The following NUCB2 variants were observed in gnomAD, a reference collection of about 807,000 sequenced individuals.
NUCB2 encodes the protein nucleobindin-2.
NUCB2 carries 48 observed loss-of-function variants against 57.9 expected under a neutral mutation model. The ratio of observed to expected loss-of-function variants is 0.83; its 90% CI spans 0.66 to 1.05. The LOEUF is 1.05. NUCB2 is among the 50% of genes least tolerant of loss of function. The probability of loss-of-function intolerance (pLI) is 0.00; values close to 1 mark genes in which losing one functional copy is unlikely to be tolerated. For synonymous variants in NUCB2, 139 were observed against 152.1 expected, an observed-to-expected ratio of 0.91 and a Z score of 0.64; for missense variants, 442 against 476.2, an observed-to-expected ratio of 0.93 and a Z score of 0.67.
intron 2 of NUCB2, chr11:17,349,224 A>C (rs1351539872): frequency 2.6e-5 from 4 of 152,210 alleles, no homozygotes; most frequent in African/African-American, 9.6e-5. Flanking sequence ...CCCCCAGGCT[A>C]CTCCAAACAA....
chr11:17,345,498 G>A (rs919987357), intron 2 of NUCB2, among the ~76,000 whole-genome samples: 1 of 152,128 alleles, frequency 6.6e-6, no homozygotes, highest in Non-Finnish European at 1.5e-5. Context: ...CACGAGGTCA[G>A]GTGTTAAAGA....
rs558268899 is a variant in NUCB2 at position 17,288,845 on chromosome 11, G to A, written c.-1+5902G>A. 2.4e-3 allele frequency among the ~76,000 whole-genome samples: 331 copies of A among 136,942 alleles called. 2 individuals are homozygous for A. The highest frequency in any genetic ancestry group is 8.2e-3 in the African/African-American group (299 of 36,522). The allele number at this position is 136,942 out of a possible 152,430, so 89.8% of individuals were successfully genotyped here. ...GTTGGGATTACAGGCATGAGCCACC[G>A]TGCCTGGCCCTTAAAGTCTATTTAA... On this transcript the variant is annotated intron_variant, in intron 2 of 13. Transcript: ENST00000529010.
At chr11:17,340,783 T>G (rs1369214077) in intron 2 of NUCB2, among the ~76,000 whole-genome samples, 2 of 152,210 alleles carry the variant, frequency 1.3e-5, no homozygotes, top group African/African-American at 4.8e-5. Context: ...TCTTTTGGCT[T>G]AGGATTGACT....
In NUCB2 at chr11:17,300,749, G is replaced by A. The variant is rs144875290; in HGVS notation, c.253-995G>A. ...ATGGATATTATGTTTAAGTTATTGT[G>A]TTAACATGTTTTCTGTTCTTTTAGT... On this transcript the variant is annotated intron_variant, in intron 4 of 13. Transcript: ENST00000529010. Among the ~76,000 whole-genome samples the A allele has an allele frequency of 5.6e-4, 85 of 152,192 alleles. No individual in the cohort carries two copies. In the East Asian group the frequency reaches 0.015, roughly 28 times the overall value.
intron 2 of NUCB2, among the ~76,000 whole-genome samples, chr11:17,343,163 T>C (rs1289384682): frequency 6.6e-6 from 1 of 152,076 alleles, no homozygotes; most frequent in Non-Finnish European, 1.5e-5. Flanking sequence ...TTCCATTTGC[T>C]TGGTAGATCT....
chr11:17,286,411 A>T (rs1309567469), intron 2 of NUCB2, among the ~76,000 whole-genome samples: 1 of 152,190 alleles, frequency 6.6e-6, no homozygotes, highest in Non-Finnish European at 1.5e-5. Context: ...ATTTAAGGAA[A>T]TTATATCTAC....
In NUCB2 at chr11:17,282,231, T is replaced by TCTAC. The variant is rs1942761439; in HGVS notation, c.-155-555_-155-554insCCTA. Among the ~76,000 whole-genome samples the TCTAC allele has an allele frequency of 6.0e-5, 3 of 49,592 alleles. No individual in the cohort carries two copies. The Admixed American group carries it at 1.1e-3, about 18-fold the overall frequency. 32.5% of individuals were successfully genotyped at this position (49,592 alleles called of 152,430 possible). On this transcript the variant is annotated intron_variant, in intron 1 of 13. Transcript: ENST00000529010. Reference sequence around the variant, plus strand: ...ATCTATATCTATATCTATCTATCTATCTATCTATATATATATATATATATA... The same window carrying TCTAC: ...ATCTATATCTATATCTATCTATCTATCTACCTATCTATATATATATATATATATA...
chr11:17,292,047 G>C (rs896478335), intron 2 of NUCB2, among the ~76,000 whole-genome samples: 1 of 151,632 alleles, frequency 6.6e-6, no homozygotes, highest in Non-Finnish European at 1.5e-5. Context: ...TTTCTGTTTA[G>C]TATTTCTGAT....
chr11:17,292,473 A>G (rs140868256), intron 2 of NUCB2, among the ~76,000 whole-genome samples: 6 of 152,300 alleles, frequency 3.9e-5, no homozygotes, highest in African/African-American at 9.6e-5. Flanking sequence ...AGAATCACCT[A>G]TAGGGCTTAT....
rs145600530 is a variant in NUCB2, at chr11:17,298,785, G to A, written c.252+2574G>A. 3.0e-3 allele frequency among the ~76,000 whole-genome samples: 460 copies of A among 151,174 alleles called. 3 individuals are homozygous for A. The highest frequency in any genetic ancestry group is 0.01 in the African/African-American group (429 of 41,180). The stretch of plus-strand genomic sequence containing the variant: ...GCAATCTTGGCTCACTGCTACCTCT[G>A]CCTCCCAGGGTCAAGTGATCCTCCC... On this transcript the variant is annotated intron_variant, in intron 4 of 13. Transcript: ENST00000529010.
At chr11:17,317,572 A>G (rs1252302475) in intron 11 of NUCB2, 16 of 438,946 alleles carry the variant, frequency 3.6e-5, no homozygotes, top group South Asian at 2.3e-4. Context: ...TTCAGTTGTA[A>G]TGTCTTTTTA....
chr11:17,296,396 A>G (rs1434808408), intron 4 of NUCB2, among the ~76,000 whole-genome samples, 185 bp downstream of exon 4: 1 of 152,152 alleles, frequency 6.6e-6, no homozygotes, highest in Non-Finnish European at 1.5e-5. Flanking sequence ...ATATTTAACA[A>G]ACATTTGCAC....
At chr11:17,325,581 G>A (rs1950567940) in intron 11 of NUCB2, among the ~76,000 whole-genome samples, 1 of 152,068 alleles carries the variant, frequency 6.6e-6, no homozygotes, top group Admixed American at 6.5e-5. Flanking sequence ...GGTGAAGTGT[G>A]TTTCTTTTAG....
chr11:17,301,528 C>A (rs913045206), intron 4 of NUCB2, among the ~76,000 whole-genome samples: 3 of 152,038 alleles, frequency 2.0e-5, no homozygotes, highest in Non-Finnish European at 4.4e-5. Flanking sequence ...GATTACCCAC[C>A]TCAGCCTCCC....
chr11:17,348,339 T>TGG (rs1565494750), intron 2 of NUCB2, among the ~76,000 whole-genome samples: 1 of 132,144 alleles, frequency 7.6e-6, no homozygotes, highest in East Asian at 2.1e-4. Context: ...TTTTTTTTTT[T>TGG]TTTTTTTTTT....
At chr11:17,303,980 T>G (rs1002856947) in intron 5 of NUCB2, among the ~76,000 whole-genome samples, 4 of 151,962 alleles carry the variant, frequency 2.6e-5, no homozygotes, top group African/African-American at 9.7e-5. Context: ...ATTCATAATT[T>G]AAAGTAATAA....
intron 2 of NUCB2, among the ~76,000 whole-genome samples, chr11:17,338,083 C>T (rs1041520462): frequency 1.3e-5 from 2 of 152,172 alleles, no homozygotes; most frequent in Non-Finnish European, 2.9e-5. Flanking sequence ...GAAAAAGCAG[C>T]ATCAGCAAGT....
intron 1 of NUCB2, among the ~76,000 whole-genome samples, chr11:17,277,958 A>G (rs1278175950): frequency 6.6e-6 from 1 of 152,144 alleles, no homozygotes; most frequent in Non-Finnish European, 1.5e-5. Flanking sequence ...TAGAAATGAA[A>G]TCTCAAATAA....
At chr11:17,348,319 GTTTTTTTTTTTTTTTTTTTTTT>G (rs55741571) in intron 2 of NUCB2, among the ~76,000 whole-genome samples, 1 of 84,450 alleles carries the variant, frequency 1.2e-5, no homozygotes, top group Non-Finnish European at 2.1e-5. Context: ...TTGTTTTTGT[GTTTTTTTTTTTTTTTTTTTTTT>G]TTTTTTTTTT....
Sources: allele counts gnomAD v4.1 joint callset (sites outside exome capture counted in the v4.1 genomes callset), GRCh38; gene constraint gnomAD v4.1.1; transcripts MANE v1.5; gene names NCBI Gene and HGNC (gene_info 2026-07-23, HGNC 2026-07-21).